Variants in GAS7 observed in about 807,000 individuals in gnomAD.
The protein encoded by GAS7 is growth arrest-specific protein 7.
GAS7 carries 28 observed loss-of-function variants against 71.1 expected under a neutral mutation model. The ratio of observed to expected loss-of-function variants is 0.39; its 90% CI spans 0.29 to 0.54. The LOEUF (loss-of-function observed/expected upper bound fraction) is 0.54, where lower values mean the gene tolerates loss of function less well. Ranked by LOEUF, GAS7 falls within the 20% of genes least tolerant of loss-of-function variation. The pLI is 0.62. For missense variants in GAS7, 436 were observed against 627.8 expected (o/e 0.69, Z 3.27); for synonymous variants, 258 against 245.8 (o/e 1.05, Z -0.46).
At chr17:10,146,741 T>C (rs1328421309) in intron 1 of GAS7, among the ~76,000 whole-genome samples, 1 of 152,072 alleles carries the variant, frequency 6.6e-6, no homozygotes, top group African/African-American at 2.4e-5. Context: ...TCCCAGCACT[T>C]TGGGAGGCCG....
intron 1 of GAS7, among the ~76,000 whole-genome samples, chr17:10,091,840 T>A (rs1436129650): frequency 2.6e-5 from 4 of 152,076 alleles, no homozygotes; most frequent in Non-Finnish European, 4.4e-5. Context: ...TGCCACCATA[T>A]CTGGCTAAGT....
intron 9 of GAS7, among the ~76,000 whole-genome samples, chr17:9,930,263 C>G (rs1402787704): frequency 6.6e-6 from 1 of 152,192 alleles, no homozygotes; most frequent in African/African-American, 2.4e-5. Flanking sequence ...CAGACAGGTT[C>G]TGAATGCTCA....
At chr17:10,111,065 C>T (rs2073806913) in intron 1 of GAS7, among the ~76,000 whole-genome samples, 1 of 152,166 alleles carries the variant, frequency 6.6e-6, no homozygotes, top group Non-Finnish European at 1.5e-5. Flanking sequence ...GTGTCCACAA[C>T]TTGTAGGTCA....
At chr17:10,134,833 C>A (rs115840983) in intron 1 of GAS7, among the ~76,000 whole-genome samples, 2,456 of 148,804 alleles carry the variant, frequency 0.017, 67 homozygotes, top group African/African-American at 0.058. Context: ...ATATTTACAT[C>A]CACTTTTTTT....
intron 3 of GAS7, among the ~76,000 whole-genome samples, chr17:9,978,383 G>C (rs1323957626): frequency 6.7e-6 from 1 of 149,604 alleles, no homozygotes; most frequent in African/African-American, 2.5e-5. Context: ...CAGTGATTGA[G>C]GCCAGCAGTG....
intron 1 of GAS7, among the ~76,000 whole-genome samples, chr17:10,118,913 C>T (rs192908735): frequency 5.3e-5 from 8 of 152,230 alleles, no homozygotes; most frequent in Admixed American, 5.2e-4. Flanking sequence ...TGGTGACATG[C>T]ACTGTAAGAG....
chr17:10,126,759 G>A (rs1403181413), intron 1 of GAS7, among the ~76,000 whole-genome samples: 1 of 152,198 alleles, frequency 6.6e-6, no homozygotes, highest in Non-Finnish European at 1.5e-5. Context: ...CCCAGCGTGG[G>A]GCACGGGGAA....
chr17:10,139,838 G>A (rs2074066811), intron 1 of GAS7, among the ~76,000 whole-genome samples: 1 of 152,234 alleles, frequency 6.6e-6, no homozygotes, highest in African/African-American at 2.4e-5. Flanking sequence ...GCATAAAGCA[G>A]TGGCTAGGCC....
At chr17:10,197,236 G>A (rs1479517238) in intron 1 of GAS7, among the ~76,000 whole-genome samples, 1 of 152,072 alleles carries the variant, frequency 6.6e-6, no homozygotes, top group Non-Finnish European at 1.5e-5. Flanking sequence ...CTGTGAAGTA[G>A]GTCAAGAGTT....
rs1405861297 is a variant in GAS7 at position 9,988,334 on chromosome 17, T to C, written c.305-6450A>G. Among the ~76,000 whole-genome samples the C allele has an allele frequency of 2.0e-5, 3 of 152,178 alleles. No homozygotes were observed. The East Asian group carries it at 5.8e-4, about 29-fold the overall frequency. On this transcript the variant is annotated intron_variant, in intron 2 of 13. Transcript: ENST00000432992. The stretch of plus-strand genomic sequence containing the variant: ...CTCCCTTCCTACCCAGAAGCTGGCT[T>C]GCCCCCAGGCTATGCTGCCCTGTCC...
At chr17:10,045,437 C>T (rs1038498491) in intron 1 of GAS7, among the ~76,000 whole-genome samples, 3 of 152,224 alleles carry the variant, frequency 2.0e-5, no homozygotes, top group Non-Finnish European at 2.9e-5. Context: ...TGGCTCACGC[C>T]TGTAATCCCA....
intron 1 of GAS7, among the ~76,000 whole-genome samples, chr17:10,024,834 T>G (rs1384090169): frequency 6.6e-6 from 1 of 152,058 alleles, no homozygotes; most frequent in Admixed American, 6.5e-5. Flanking sequence ...TATCAGGAGG[T>G]TTCTACACTA....
At chr17:10,015,744 A>T (rs928681941) in intron 2 of GAS7, among the ~76,000 whole-genome samples, 12 of 152,094 alleles carry the variant, frequency 7.9e-5, no homozygotes, top group African/African-American at 2.4e-4. Flanking sequence ...GGGCTGCATG[A>T]TCCCTACAAA....
chr17:10,026,896 G>A lies in GAS7; in HGVS notation c.184-6999C>T, dbSNP rs1253395825. On this transcript the variant is annotated intron_variant, in intron 1 of 13. Transcript: ENST00000432992. This position sits in a 1 kb window ranked among gnomAD's most constrained non-coding sequence, Gnocchi z 4.5. ...ACTGGGCGCATTTCCTGTCTCACAG[G>A]TGAAAGTATTGCGCTCCCCAACTCC... is the stretch of plus-strand genomic sequence containing the variant. 1 of 152,212 alleles carries A rather than the reference G, an allele frequency of 6.6e-6. No individual in the cohort carries two copies. The highest frequency in any genetic ancestry group is 1.5e-5 in the Non-Finnish European group (1 of 68,056). 9.4% of individuals were successfully genotyped at this position (152,212 alleles called of 1,614,324 possible). A position where few individuals can be genotyped will look rare whatever the true frequency, so the allele number is the denominator to read the frequency against.
chr17:10,041,390 A>G (rs1212010612), intron 1 of GAS7, among the ~76,000 whole-genome samples: 2 of 152,170 alleles, frequency 1.3e-5, no homozygotes, highest in Non-Finnish European at 2.9e-5. Context: ...AGACGAACAG[A>G]TACAATCACA....
intron 5 of GAS7, among the ~76,000 whole-genome samples, chr17:9,948,156 A>T (rs2068865024): frequency 6.6e-6 from 1 of 152,252 alleles, no homozygotes; most frequent in Non-Finnish European, 1.5e-5. Context: ...GGGAGTTCAA[A>T]GTTATATGTC....
chr17:10,033,861 C>T (rs985820247), intron 1 of GAS7, among the ~76,000 whole-genome samples: 1 of 152,190 alleles, frequency 6.6e-6, no homozygotes, highest in Non-Finnish European at 1.5e-5. Context: ...GCAGTGCCTA[C>T]GGCCTGTGCT....
At chr17:9,932,799 T>C (rs1161101089) in intron 9 of GAS7, among the ~76,000 whole-genome samples, 1 of 152,202 alleles carries the variant, frequency 6.6e-6, no homozygotes, top group Non-Finnish European at 1.5e-5. Flanking sequence ...GACACCATCC[T>C]GAGCCCTGAG....
intron 3 of GAS7, among the ~76,000 whole-genome samples, chr17:9,976,516 C>T (rs1055688012): frequency 2.6e-5 from 4 of 152,172 alleles, no homozygotes; most frequent in Non-Finnish European, 5.9e-5. Context: ...GCTCTGGGTT[C>T]AGGAGCCCCC....
Sources: gnomAD v4.1 joint callset for allele counts (sites outside exome capture counted in the v4.1 genomes callset) on GRCh38, gnomAD v4.1.1 for gene constraint, Gnocchi (gnomAD v3.1) non-coding constraint, MANE v1.5 for transcripts, NCBI Gene and HGNC (gene_info 2026-07-23, HGNC 2026-07-21) for gene names.